The following IRF1 variants were observed in gnomAD, a reference collection of about 807,000 sequenced individuals.
The protein encoded by IRF1 is interferon regulatory factor-1.
IRF1 carries 13 observed loss-of-function variants against 43.7 expected under a neutral mutation model. The observed-to-expected ratio is 0.30, with a 90% CI of 0.19 to 0.47. IRF1 has a LOEUF of 0.47. Ranked by LOEUF, IRF1 falls within the 20% of genes least tolerant of loss-of-function variation. The probability of loss-of-function intolerance (pLI) is 0.99; values close to 1 mark genes in which losing one functional copy is unlikely to be tolerated. For missense variants in IRF1, 236 were observed against 408.9 expected (o/e 0.58, Z 3.65); for synonymous variants, 138 against 146.8 (o/e 0.94, Z 0.43).
At position 132,484,348 on chromosome 5, in the gene IRF1, C is replaced by G; in HGVS notation, c.853+14G>C. The G allele has an allele frequency of 6.2e-7, 1 of 1,613,722 alleles. No individual in the cohort carries two copies. The highest frequency in any genetic ancestry group is 2.2e-5 in the East Asian group (1 of 44,880). On this transcript the variant is annotated intron_variant, in intron 9 of 9. Coordinates refer to ENST00000245414, the MANE Select transcript of IRF1 (RefSeq NM_002198.3). ...CCTCATCTAAGAAGCCATAAGGATC[C>G]AGGGCCTTCTTACCCCCTGGGCTGT...
rs1377194958 is a variant in IRF1, at chr5:132,484,348, CA to C, written c.853+13del. The C allele has an allele frequency of 5.0e-6, 8 of 1,613,722 alleles. No homozygotes were observed. The highest frequency in any genetic ancestry group is 5.9e-6 in the Non-Finnish European group (7 of 1,179,758). On this transcript the variant is annotated intron_variant, in intron 9 of 9. Transcript: ENST00000245414. ...CCTCATCTAAGAAGCCATAAGGATC[CA>C]GGGCCTTCTTACCCCCTGGGCTGTC...
At chr5:132,485,077 T>A (rs1223379793) in intron 8 of IRF1, 1 of 155,170 alleles carries the variant, frequency 6.4e-6, no homozygotes, top group Non-Finnish European at 1.4e-5. Flanking sequence ...CAGGCCCAGC[T>A]AATTTTTATA....
In IRF1 at chr5:132,484,126, T is replaced by C. The variant is rs908650243; in HGVS notation, c.854-51A>G. The C allele has an allele frequency of 6.9e-6, 11 of 1,603,614 alleles. No homozygotes were observed. The Admixed American group carries it at 1.5e-4, about 22-fold the overall frequency. On this transcript the variant is annotated intron_variant, in intron 9 of 9. Transcript: ENST00000245414. Reference sequence around the variant, plus strand: ...GAGGGTAGGGGACGGTGGCATCAGGTGTGCTTCCCCCTACCCCTGAAGGCC... The same window carrying C: ...GAGGGTAGGGGACGGTGGCATCAGGCGTGCTTCCCCCTACCCCTGAAGGCC...
At position 132,483,993 on chromosome 5, in the gene IRF1, T is replaced by A; in HGVS notation, c.936A>T (p.Pro312=). ...TGGCCTGGATGGAGGGCAACCGGAC[T>A]GGGGTCAGCAGGCTGTCCAGCCAGG... The part of the protein sequence containing the change: ...DATWLDSLLT[P]VRLPSIQAIP... The change falls in exon 10 of 10, where the codon CCA becomes CCT. Residue 312 remains proline (P), a synonymous_variant. Coordinates refer to ENST00000245414, the MANE Select transcript of IRF1 (RefSeq NM_002198.3). The A allele has an allele frequency of 6.2e-7, 1 of 1,613,912 alleles. No homozygotes were observed. The highest frequency in any genetic ancestry group is 8.5e-7 in the Non-Finnish European group (1 of 1,180,002).
In IRF1 at chr5:132,483,857, G is replaced by T; in HGVS notation, c.*94C>A. 1.3e-6 allele frequency: 2 copies of T among 1,509,242 alleles called. No individual in the cohort carries two copies. Among genetic ancestry groups the T allele is most frequent in the Non-Finnish European group, 9.1e-7 (1 of 1,104,726 alleles). 93.5% of individuals were successfully genotyped at this position (1,509,242 alleles called of 1,614,324 possible). On this transcript the variant is annotated 3_prime_UTR_variant, in exon 10 of 10. Coordinates refer to ENST00000245414, the MANE Select transcript of IRF1 (RefSeq NM_002198.3). ...GGCAGTGGGGTCACACTTGGCTGTT[G>T]AGGGGCCCACAGAAGTCCAGCTTCT... is the stretch of plus-strand genomic sequence containing the variant.
rs1459574672 is a variant in IRF1, at chr5:132,486,569, C to A, written c.532G>T (p.Ala178Ser). The change falls in exon 6 of 10, where the codon GCC (alanine) becomes TCC (serine). Residue 178 changes from alanine to serine, a missense_variant. By Grantham distance (99) the Ala-to-Ser change is moderately conservative (BLOSUM62 1). Transcript: ENST00000245414. ...TGGACCAGCTCACCTGGAGTCAGGG[C>A]CTGCTCCACCTCCAAGTCCTGCATG... ...GYMQDLEVEQALTPALSPCAV... is the reference protein window; with the variant it reads ...GYMQDLEVEQSLTPALSPCAV... 1.2e-6 allele frequency: 2 copies of A among 1,614,066 alleles called. No homozygotes were observed. The highest frequency in any genetic ancestry group is 2.2e-5 in the South Asian group (2 of 91,054).
In IRF1 at chr5:132,484,052, G is replaced by A. The variant is rs750101253; in HGVS notation, c.877C>T (p.Arg293Cys). The A allele has an allele frequency of 8.7e-6, 14 of 1,613,862 alleles. No homozygotes were observed. The highest frequency in any genetic ancestry group is 2.2e-5 in the East Asian group (1 of 44,890). ...PGGDIGLSLQ[R>C]VFTDLKNMDA... ...ATGTTCTTCAGATCTGTGAAGACAC[G>A]CTGTAGACTCAGCCCAATATCCCCT... The change falls in exon 10 of 10, where the codon CGT (arginine) becomes TGT (cysteine). Residue 293 changes from arginine (R) to cysteine (C), a missense_variant. By Grantham distance (180) the Arg-to-Cys change is radical. This residue lies in a region of IRF1 where 170 missense variants were observed against 251.8 expected (regional missense o/e 0.68). Transcript: ENST00000245414.
In IRF1 at chr5:132,485,729, A is replaced by C. The variant is rs746967501; in HGVS notation, c.668-13T>G. ...TCATCTGTTGTAGCTGTGGATGGGG[A>C]AAGCAGAGAGGTTGGCTGGCAGTCA... is the stretch of plus-strand genomic sequence containing the variant. On this transcript the variant is annotated splice_polypyrimidine_tract_variant and intron_variant, in intron 7 of 9. Transcript: ENST00000245414. 1 of 1,609,218 alleles carries C rather than the reference A, an allele frequency of 6.2e-7. No homozygotes were observed. The highest frequency in any genetic ancestry group is 8.5e-7 in the Non-Finnish European group (1 of 1,176,968).
At position 132,486,577 on chromosome 5, in the gene IRF1, A is replaced by G. The variant is rs150089120; in HGVS notation, c.524T>C (p.Val175Ala). 2.4e-4 allele frequency: 383 copies of G among 1,613,968 alleles called. No individual in the cohort carries two copies. Among genetic ancestry groups the G allele is most frequent in the Non-Finnish European group, 2.9e-4 (339 of 1,179,984 alleles). ...TVPGYMQDLE[V>A]EQALTPALSP... is the part of the protein sequence containing the mutation. Reference sequence around the variant, plus strand: ...CTCACCTGGAGTCAGGGCCTGCTCCACCTCCAAGTCCTGCATGTAGCCTGG... The same window carrying G: ...CTCACCTGGAGTCAGGGCCTGCTCCGCCTCCAAGTCCTGCATGTAGCCTGG... The change falls in exon 6 of 10, where the codon GTG (valine) becomes GCG (alanine). Residue 175 changes from valine (V) to alanine (A), a missense_variant. Coordinates refer to ENST00000245414, the MANE Select transcript of IRF1 (RefSeq NM_002198.3).
chr5:132,484,049 C>CA lies in IRF1; in HGVS notation c.879dup (p.Val294CysfsTer147). The CA allele has an allele frequency of 6.2e-7, 1 of 1,614,002 alleles. No individual in the cohort carries two copies. Among genetic ancestry groups the CA allele is most frequent in the Non-Finnish European group, 8.5e-7 (1 of 1,179,972 alleles). ...TCCATGTTCTTCAGATCTGTGAAGA[C>CA]ACGCTGTAGACTCAGCCCAATATCC... On this transcript the variant is annotated frameshift_variant, in exon 10 of 10. Transcript: ENST00000245414. LOFTEE classifies it high-confidence loss of function.
Position 132,484,450 on chromosome 5 carries a change from C to T in IRF1, c.765G>A (p.Gly255=), listed in dbSNP as rs199626190. Residue 255 remains glycine (G), a synonymous_variant, in exon 9 of 10, where the codon GGG becomes GGA. Coordinates refer to ENST00000245414, the MANE Select transcript of IRF1 (RefSeq NM_002198.3). ...GGACTCCAGGTTCATTGAGTAGGTACCCCTTCCCATCCACGTTTGTTGGCT... is the reference window on the plus strand; with the variant it reads ...GGACTCCAGGTTCATTGAGTAGGTATCCCTTCCCATCCACGTTTGTTGGCT... ...EWQPTNVDGK[G]YLLNEPGVQP... is the part of the protein sequence containing the mutation. 335 of 1,614,164 alleles carry T rather than the reference C, an allele frequency of 2.1e-4. 1 individual carries two copies. The highest frequency in any genetic ancestry group is 5.0e-4 in the Middle Eastern group (3 of 6,060).
Position 132,485,849 on chromosome 5 carries a change from A to ACACACACACACACACACACACACCC in IRF1, c.668-134_668-133insGGGTGTGTGTGTGTGTGTGTGTGTG, listed in dbSNP as rs111906639. ...CTCTGACACACACACACACACACACACCCTCCCGGTGGACCTATCTGCCAT... is the reference window on the plus strand; with the variant it reads ...CTCTGACACACACACACACACACACACACACACACACACACACACACACCCCCCTCCCGGTGGACCTATCTGCCAT... On this transcript the variant is annotated intron_variant, in intron 7 of 9. Coordinates refer to ENST00000245414, the MANE Select transcript of IRF1 (RefSeq NM_002198.3). The ACACACACACACACACACACACACCC allele has an allele frequency of 9.0e-6, 6 of 669,946 alleles. No individual in the cohort carries two copies. The African/African-American group carries it at 9.1e-5, about 10-fold the overall frequency. The allele number at this position is 669,946 out of a possible 1,614,324, so 41.5% of individuals were successfully genotyped here.
chr5:132,483,954 C>T lies in IRF1; in HGVS notation c.975G>A (p.Pro325=), dbSNP rs756898983. ...TAAGAGGGGCCCAGGGGCCCTGCTACGGTGCACAGGGAATGGCCTGGATGG... is the reference window on the plus strand; with the variant it reads ...TAAGAGGGGCCCAGGGGCCCTGCTATGGTGCACAGGGAATGGCCTGGATGG... The part of the protein sequence containing the change: ...LPSIQAIPCA[P] The change falls in exon 10 of 10, where the codon CCG becomes CCA. Residue 325 remains proline, a synonymous_variant. Coordinates refer to ENST00000245414, the MANE Select transcript of IRF1 (RefSeq NM_002198.3). 3.3e-5 allele frequency: 53 copies of T among 1,613,014 alleles called. 1 individual carries two copies. The highest frequency in any genetic ancestry group is 7.7e-5 in the South Asian group (7 of 91,056).
Position 132,486,703 on chromosome 5 carries a change from C to T in IRF1, c.415-17G>A, listed in dbSNP as rs752207402. 11 of 1,613,788 alleles carry T rather than the reference C, an allele frequency of 6.8e-6. No individual in the cohort carries two copies. Among genetic ancestry groups the T allele is most frequent in the Non-Finnish European group, 9.3e-6 (11 of 1,179,694 alleles). ...CCCACATGACTGTCGAGGGAGAAAG[C>T]AGCTTAGGCCCAGGCCCACCTTAGC... On this transcript the variant is annotated splice_polypyrimidine_tract_variant and intron_variant, in intron 5 of 9. Transcript: ENST00000245414.
Position 132,486,338 on chromosome 5 carries a change from C to T in IRF1, c.580G>A (p.Asp194Asn), listed in dbSNP as rs532656425. 11 of 1,612,594 alleles carry T rather than the reference C, an allele frequency of 6.8e-6. No individual in the cohort carries two copies. The highest frequency in any genetic ancestry group is 4.5e-5 in the East Asian group (2 of 44,886). Residue 194 changes from aspartate to asparagine, a missense_variant, in exon 7 of 10, where the codon GAC becomes AAC. Physicochemically the swap from Asp to Asn is conservative, Grantham distance 23. Coordinates refer to ENST00000245414, the MANE Select transcript of IRF1 (RefSeq NM_002198.3). ...ACAACTTCCACTGGGATGTGCCAGT[C>T]GGGGAGAGTGCTGCTGACAGCACAT... ...SPCAVSSTLP[D>N]WHIPVEVVPD...
chr5:132,484,503 G>A lies in IRF1; in HGVS notation c.718-6C>T. 6.2e-7 allele frequency: 1 copy of A among 1,614,062 alleles called. No individual in the cohort carries two copies. The highest frequency in any genetic ancestry group is 2.2e-5 in the East Asian group (1 of 44,876). ...CACTCCGACTGCTCCAAGAGCTGGG[G>A]ACAGAAGAGCAAGAGGCTATCAACT... On this transcript the variant is annotated splice_polypyrimidine_tract_variant and splice_region_variant and intron_variant, in intron 8 of 9. Transcript: ENST00000245414.
At position 132,487,051 on chromosome 5, in the gene IRF1, T is replaced by C; in HGVS notation, c.267A>G (p.Pro89=). The C allele has an allele frequency of 6.2e-7, 1 of 1,614,206 alleles. No homozygotes were observed. Among genetic ancestry groups the C allele is most frequent in the Non-Finnish European group, 8.5e-7 (1 of 1,180,018 alleles). Residue 89 remains proline, a synonymous_variant, in exon 4 of 10, where the codon CCA becomes CCG. Coordinates refer to ENST00000245414, the MANE Select transcript of IRF1 (RefSeq NM_002198.3). ...TCTGGTCTTTCACCTCCTCGATATC[T>C]GGCAGGGAGTTCATGGCACAGCGAA... ...ANFRCAMNSL[P]DIEEVKDQSR... is the part of the protein sequence containing the mutation.
rs1754683037 is a variant in IRF1, at chr5:132,490,338, G to A, written c.-6+207C>T. On this transcript the variant is annotated intron_variant, in intron 1 of 9. Coordinates refer to ENST00000245414, the MANE Select transcript of IRF1 (RefSeq NM_002198.3). The surrounding 1 kb of genome is among the most constrained non-coding windows in gnomAD (Gnocchi z 5.8). ...CGGGCGCCGGCAGCCTCGTCCGGGT[G>A]GGCGGTCCACGCCGCGTCCCGCCCT... 2 of 150,510 alleles carry A rather than the reference G, an allele frequency of 1.3e-5. No homozygotes were observed. The highest frequency in any genetic ancestry group is 4.2e-4 in the South Asian group (2 of 4,818). The allele number at this position is 150,510 out of a possible 1,614,324, so 9.3% of individuals were successfully genotyped here. A position where few individuals can be genotyped will look rare whatever the true frequency, so the allele number is the denominator to read the frequency against.
intron 8 of IRF1, 22 bp downstream of exon 8, chr5:132,485,645 C>G: frequency 2.5e-6 from 4 of 1,586,642 alleles, no homozygotes; most frequent in Non-Finnish European, 3.5e-6. Context: ...TTCAAGAGTG[C>G]CCAGGTAGGA....
Sources: allele counts gnomAD v4.1 joint callset, GRCh38; gene constraint gnomAD v4.1.1; regional missense constraint gnomAD v4.1.1; non-coding constraint Gnocchi (gnomAD v3.1); transcripts MANE v1.5; gene names NCBI Gene and HGNC (gene_info 2026-07-23, HGNC 2026-07-21).